DLEU7: variants seen among roughly 807,000 people sequenced by gnomAD.
DLEU7 encodes the protein deleted in lymphocytic leukemia 7, also known as leukemia-associated protein 7.
A neutral mutation model predicts 16.0 loss-of-function variants in DLEU7; 17 were observed. The ratio of observed to expected loss-of-function variants is 1.06; its 90% confidence interval spans 0.73 to 1.59. DLEU7 has a LOEUF of 1.59. Among genes scored for constraint, DLEU7 ranks in the 40% most tolerant of loss-of-function variants. DLEU7 has a pLI of 0.00. For synonymous variants in DLEU7, 113 were observed against 139.8 expected (o/e 0.81, Z 1.35); for missense variants, 308 against 314.9 (o/e 0.98, Z 0.17).
intron 1 of DLEU7, among the ~76,000 whole-genome samples, chr13:50,743,465 C>T (rs1187543980): frequency 6.6e-6 from 1 of 152,170 alleles, no homozygotes; most frequent in Non-Finnish European, 1.5e-5. Flanking sequence ...TTCTTTACAG[C>T]TGTTAGGTCT....
chr13:50,780,015 C>T (rs773962798), intron 1 of DLEU7, among the ~76,000 whole-genome samples: 23 of 152,182 alleles, frequency 1.5e-4, no homozygotes, highest in Non-Finnish European at 2.9e-4. Flanking sequence ...AATGTGTTAT[C>T]ATCTTAAAAG....
At chr13:50,746,493 C>T (rs552078692) in intron 1 of DLEU7, among the ~76,000 whole-genome samples, 1 of 152,256 alleles carries the variant, frequency 6.6e-6, no homozygotes, top group Non-Finnish European at 1.5e-5. Context: ...TATCAAAATT[C>T]AGTCATTTTT....
chr13:50,811,890 G>A (rs141889941), intron 1 of DLEU7, among the ~76,000 whole-genome samples: 5,326 of 151,982 alleles, frequency 0.035, 305 homozygotes, highest in African/African-American at 0.12. Flanking sequence ...CCAACATGGC[G>A]AAACCCCATC....
intron 1 of DLEU7, among the ~76,000 whole-genome samples, chr13:50,719,140 C>T (rs2476624): frequency 0.13 from 19,036 of 152,108 alleles, 2,040 homozygotes; most frequent in African/African-American, 0.29. Context: ...CATTTGTAAC[C>T]GTCACTTGCA....
At chr13:50,734,644 A>T (rs991952010) in intron 1 of DLEU7, among the ~76,000 whole-genome samples, 6 of 152,174 alleles carry the variant, frequency 3.9e-5, no homozygotes, top group Non-Finnish European at 8.8e-5. Flanking sequence ...TGAAGAACAG[A>T]GAGAAAAAAG....
In DLEU7 at chr13:50,774,077, C is replaced by T. The variant is rs192058304; in HGVS notation, c.460-60837G>A. Among the ~76,000 whole-genome samples the T allele has an allele frequency of 8.4e-3, 1,276 of 152,240 alleles. 7 individuals carry two copies. Among genetic ancestry groups the T allele is most frequent in the Admixed American group, 0.013 (197 of 15,294 alleles). On this transcript the variant is annotated intron_variant, in intron 1 of 1. Coordinates refer to the DLEU7 transcript ENST00000400393. ...TGGGCATGGAACCCACCGAGCCAGG[C>T]GCGGGGTGTAATTTCCTGGTGTGCC...
At chr13:50,746,356 A>G (rs527461795) in intron 1 of DLEU7, among the ~76,000 whole-genome samples, 1 of 152,342 alleles carries the variant, frequency 6.6e-6, no homozygotes, top group South Asian at 2.1e-4. Flanking sequence ...TAGTTCAGCT[A>G]AGGCAACGTG....
At chr13:50,771,149 T>G (rs1447211050) in intron 1 of DLEU7, among the ~76,000 whole-genome samples, 1 of 152,224 alleles carries the variant, frequency 6.6e-6, no homozygotes, top group African/African-American at 2.4e-5. Flanking sequence ...TCTATTTGAT[T>G]CTTCTCTTTT....
chr13:50,769,665 T>C (rs910443983), intron 1 of DLEU7, among the ~76,000 whole-genome samples: 6 of 152,198 alleles, frequency 3.9e-5, no homozygotes, highest in African/African-American at 1.4e-4. Flanking sequence ...TTGGTACCAG[T>C]ACCATGCTGT....
At chr13:50,747,027 G>T (rs1280583367) in intron 1 of DLEU7, among the ~76,000 whole-genome samples, 1 of 152,040 alleles carries the variant, frequency 6.6e-6, no homozygotes, top group Non-Finnish European at 1.5e-5. Flanking sequence ...ATTACCCACA[G>T]ACATAAATTT....
At chr13:50,807,871 G>C (rs1227401427) in intron 1 of DLEU7, 3 of 152,154 alleles carry the variant, frequency 2.0e-5, no homozygotes, top group Non-Finnish European at 4.4e-5. Context: ...CATGTGCAAA[G>C]ATGAAGAGGC....
intron 1 of DLEU7, among the ~76,000 whole-genome samples, chr13:50,793,302 T>C (rs575119038): frequency 2.4e-4 from 36 of 152,302 alleles, no homozygotes; most frequent in African/African-American, 8.7e-4. Flanking sequence ...ACTGGGTTGA[T>C]TCCATACCAT....
chr13:50,830,361 G>A (rs1206963486), intron 1 of DLEU7, among the ~76,000 whole-genome samples: 1 of 152,160 alleles, frequency 6.6e-6, no homozygotes, highest in African/African-American at 2.4e-5. Flanking sequence ...CACATGACTG[G>A]ATAAAAGGCA....
At chr13:50,809,699 CTTTTTG>C (rs1876504920) in intron 1 of DLEU7, among the ~76,000 whole-genome samples, 1 of 152,016 alleles carries the variant, frequency 6.6e-6, no homozygotes, top group African/African-American at 2.4e-5. Flanking sequence ...ACACTTTTTT[CTTTTTG>C]GTGGATCCAG....
chr13:50,750,674 T>TTTTG (rs543328326), intron 1 of DLEU7, among the ~76,000 whole-genome samples: 20 of 152,124 alleles, frequency 1.3e-4, no homozygotes, highest in Admixed American at 2.6e-4. Context: ...TTCCTATGTT[T>TTTTG]TTTGTTTGTT....
chr13:50,712,383 C>A (rs1300536090), exon 2 of DLEU7: 1 of 152,128 alleles, frequency 6.6e-6, no homozygotes, highest in African/African-American at 2.4e-5. Context: ...CTATCAAGAG[C>A]TTTTTTAGTG....
intron 1 of DLEU7, among the ~76,000 whole-genome samples, chr13:50,748,032 C>T (rs1874449602): frequency 6.6e-6 from 1 of 152,178 alleles, no homozygotes; most frequent in Non-Finnish European, 1.5e-5. Context: ...CCAACTAGAC[C>T]ATGCTCCTCA....
chr13:50,829,669 T>C (rs184433237), intron 1 of DLEU7, among the ~76,000 whole-genome samples: 225 of 152,352 alleles, frequency 1.5e-3, no homozygotes, highest in Middle Eastern at 0.014. Flanking sequence ...TTTATTTTAC[T>C]ATTCTAGTAC....
chr13:50,718,192 C>T (rs779956379), intron 1 of DLEU7, among the ~76,000 whole-genome samples: 6 of 152,236 alleles, frequency 3.9e-5, no homozygotes, highest in Middle Eastern at 6.8e-3. Flanking sequence ...GAAAAGACAA[C>T]AATCGTTTTA....
Sources: gnomAD v4.1 joint callset for allele counts (sites outside exome capture counted in the v4.1 genomes callset) on GRCh38, gnomAD v4.1.1 for gene constraint, MANE v1.5 for transcripts, NCBI Gene and HGNC (gene_info 2026-07-23, HGNC 2026-07-21) for gene names.